Variants in B3GALT1 observed in about 807,000 individuals in gnomAD.
The protein encoded by B3GALT1 is UDP-Gal:betaGlcNAc beta 1,3-galactosyltransferase, polypeptide 1.
In B3GALT1, 10 loss-of-function variants were observed where a neutral mutation model predicts 23.2. That is an observed-to-expected ratio of 0.43 (90% CI 0.27 to 0.73). B3GALT1 has a LOEUF of 0.73. Among genes scored for constraint, B3GALT1 ranks in the 30% least tolerant of loss-of-function variants. The probability of loss-of-function intolerance (pLI) is 0.21; values close to 1 mark genes in which losing one functional copy is unlikely to be tolerated. For synonymous variants in B3GALT1, 156 were observed against 141.5 expected (o/e 1.10, Z -0.73); for missense variants, 299 against 405.4 (o/e 0.74, Z 2.25).
At chr2:167,694,580 A>C (rs887990307) in intron 3 of B3GALT1, among the ~76,000 whole-genome samples, 2 of 152,162 alleles carry the variant, frequency 1.3e-5, no homozygotes, top group African/African-American at 4.8e-5. Flanking sequence ...TTTAAAGAAA[A>C]AGTAAGAAAA....
At chr2:167,352,410 T>C (rs1443268362) in intron 1 of B3GALT1, among the ~76,000 whole-genome samples, 1 of 151,352 alleles carries the variant, frequency 6.6e-6, no homozygotes, top group African/African-American at 2.4e-5. Context: ...ATTGGGAGCA[T>C]GTGAAATAAT....
chr2:167,594,110 G>A (rs1435548094), intron 2 of B3GALT1, among the ~76,000 whole-genome samples: 1 of 152,174 alleles, frequency 6.6e-6, no homozygotes, highest in African/African-American at 2.4e-5. Context: ...TGTTCAACAT[G>A]ACAAGAGGAT....
intron 3 of B3GALT1, among the ~76,000 whole-genome samples, chr2:167,684,993 A>G (rs1293110155): frequency 6.6e-6 from 1 of 152,172 alleles, no homozygotes; most frequent in Non-Finnish European, 1.5e-5. Context: ...CAACATAACT[A>G]CTTCCTACTC....
intron 1 of B3GALT1, among the ~76,000 whole-genome samples, chr2:167,351,805 A>T (rs1370005991): frequency 6.6e-6 from 1 of 152,220 alleles, no homozygotes; most frequent in Non-Finnish European, 1.5e-5. Flanking sequence ...TAAGTTTACT[A>T]ACAAGGATAC....
At chr2:167,579,432 C>CTTTTTTTTTTTTTTGTTTTTTTTT (rs1684443564) in intron 2 of B3GALT1, among the ~76,000 whole-genome samples, 1 of 109,050 alleles carries the variant, frequency 9.2e-6, no homozygotes, top group African/African-American at 3.8e-5. Flanking sequence ...TTTTTTTTGT[C>CTTTTTTTTTTTTTTGTTTTTTTTT]TTTTTTTTTT....
At chr2:167,545,909 G>A (rs998870807) in intron 2 of B3GALT1, among the ~76,000 whole-genome samples, 4 of 152,134 alleles carry the variant, frequency 2.6e-5, no homozygotes, top group African/African-American at 9.7e-5. Context: ...GAGTTATCTT[G>A]GGGATGGGAC....
rs62194985 is a variant in B3GALT1, at chr2:167,713,930, G to A, written c.-352+66964G>A. ...TTGGGGGAAAGGAGGTCCTCTTCTC[G>A]TGAACAGGCCCCTTGTATCCACTGG... On this transcript the variant is annotated intron_variant, in intron 3 of 4. Coordinates refer to ENST00000392690, the MANE Select transcript of B3GALT1 (RefSeq NM_020981.4). 9,712 of 1,572,334 alleles carry A rather than the reference G, an allele frequency of 6.2e-3. 88 individuals carry two copies. Among genetic ancestry groups the A allele is most frequent in the South Asian group, 0.016 (1,420 of 90,264 alleles).
At chr2:167,699,158 C>G (rs1449554173) in intron 3 of B3GALT1, among the ~76,000 whole-genome samples, 3 of 152,060 alleles carry the variant, frequency 2.0e-5, no homozygotes, top group Non-Finnish European at 4.4e-5. Context: ...TTGCAAAGAT[C>G]TGGAGGGTTT....
intron 3 of B3GALT1, among the ~76,000 whole-genome samples, chr2:167,666,403 G>A (rs1394291926): frequency 6.6e-6 from 1 of 152,036 alleles, no homozygotes; most frequent in African/African-American, 2.4e-5. Flanking sequence ...GTGTGGTGTG[G>A]TGCTGAAAAA....
intron 3 of B3GALT1, among the ~76,000 whole-genome samples, chr2:167,774,485 G>GTTTTGTTTTTTGT (rs1688125273): frequency 1.9e-5 from 2 of 105,180 alleles, no homozygotes; most frequent in Non-Finnish European, 4.0e-5. Flanking sequence ...TTTTTTTTTT[G>GTTTTGTTTTTTGT]TTTTTTTTTT....
intron 2 of B3GALT1, among the ~76,000 whole-genome samples, chr2:167,639,697 A>G (rs896943617): frequency 2.0e-5 from 3 of 152,086 alleles, no homozygotes; most frequent in Non-Finnish European, 4.4e-5. Context: ...AAGCACCAAT[A>G]CACTAAATTT....
intron 1 of B3GALT1, among the ~76,000 whole-genome samples, chr2:167,429,196 G>A (rs1202416727): frequency 6.6e-6 from 1 of 151,540 alleles, no homozygotes; most frequent in Non-Finnish European, 1.5e-5. Flanking sequence ...CCAGGGAATG[G>A]CGTGAACCCA....
At chr2:167,456,728 G>T (rs886494216) in intron 1 of B3GALT1, among the ~76,000 whole-genome samples, 5 of 152,032 alleles carry the variant, frequency 3.3e-5, no homozygotes, top group Admixed American at 3.3e-4. Context: ...TACAACGCAA[G>T]AACAGTCAAA....
At chr2:167,373,106 A>G (rs1054110399) in intron 1 of B3GALT1, among the ~76,000 whole-genome samples, 29 of 152,258 alleles carry the variant, frequency 1.9e-4, no homozygotes, top group Non-Finnish European at 4.0e-4. Context: ...AGGTTCTAAG[A>G]TAATTCCACT....
rs146928065 is a variant in B3GALT1, at chr2:167,869,010, A to C, written c.-30A>C. On this transcript the variant is annotated 5_prime_UTR_variant, in exon 5 of 5. Coordinates refer to ENST00000392690, the MANE Select transcript of B3GALT1 (RefSeq NM_020981.4). The surrounding 1 kb of genome is among the most constrained non-coding windows in gnomAD (Gnocchi z 6.4). ...CTAGTGCCAAGGAGGCGTATTCTTC[A>C]ATATTTGGAATAGACGTGTTCTCAA... 339 of 1,548,278 alleles carry C rather than the reference A, an allele frequency of 2.2e-4. 1 individual carries two copies. In the African/African-American group the frequency reaches 4.3e-3, roughly 20 times the overall value.
At chr2:167,328,532 TG>T (rs887687315) in intron 1 of B3GALT1, among the ~76,000 whole-genome samples, 1 of 152,180 alleles carries the variant, frequency 6.6e-6, no homozygotes, top group Non-Finnish European at 1.5e-5. Context: ...GAAGATCTTT[TG>T]TATTTCTGTG....
intron 2 of B3GALT1, among the ~76,000 whole-genome samples, chr2:167,604,150 T>G (rs1173727508): frequency 6.6e-6 from 1 of 152,132 alleles, no homozygotes; most frequent in African/African-American, 2.4e-5. Context: ...ACATACACAA[T>G]AAGTATTCTG....
At chr2:167,477,793 C>T (rs527873691) in intron 1 of B3GALT1, among the ~76,000 whole-genome samples, 9 of 152,300 alleles carry the variant, frequency 5.9e-5, no homozygotes, top group African/African-American at 1.9e-4. Context: ...ATCATTTCTC[C>T]TCAGACACAT....
At chr2:167,776,040 G>GCA (rs71003011) in intron 3 of B3GALT1, among the ~76,000 whole-genome samples, 53,652 of 142,032 alleles carry the variant, frequency 0.38, 10,583 homozygotes, top group Middle Eastern at 0.52. Context: ...ATGCAACTGT[G>GCA]CACACACACA....
Sources: allele counts gnomAD v4.1 joint callset (sites outside exome capture counted in the v4.1 genomes callset), GRCh38; gene constraint gnomAD v4.1.1; non-coding constraint Gnocchi (gnomAD v3.1); transcripts MANE v1.5; gene names NCBI Gene and HGNC (gene_info 2026-07-23, HGNC 2026-07-21).